The following CECR2 variants were observed in gnomAD, a reference collection of about 807,000 sequenced individuals.
The protein encoded by CECR2 is CECR2 histone acetyl-lysine reader, also known as chromatin remodeling regulator CECR2.
A neutral mutation model predicts 154.5 loss-of-function variants in CECR2; 30 were observed. The observed-to-expected ratio is 0.19, with a 90% CI of 0.15 to 0.26. CECR2 has a LOEUF of 0.26. CECR2 is among the 10% of genes least tolerant of loss of function. CECR2 has a pLI of 1.00. For missense variants in CECR2, 1,743 were observed against 1,829.3 expected (o/e 0.95, Z 0.86); for synonymous variants, 725 against 683.7 (o/e 1.06, Z -0.94).
chr22:17,405,110 A>T (rs1488806299), intron 1 of CECR2, among the ~76,000 whole-genome samples: 1 of 152,154 alleles, frequency 6.6e-6, no homozygotes, highest in Non-Finnish European at 1.5e-5. Context: ...ATGCTATTAT[A>T]CATTTTTGAA....
At chr22:17,444,408 G>T (rs2054628475) in intron 1 of CECR2, among the ~76,000 whole-genome samples, 1 of 152,104 alleles carries the variant, frequency 6.6e-6, no homozygotes, top group African/African-American at 2.4e-5. Context: ...GGGCAGATCA[G>T]TTAAGGTCAG....
At chr22:17,516,849 C>T (rs559656711) in intron 8 of CECR2, among the ~76,000 whole-genome samples, 1 of 151,944 alleles carries the variant, frequency 6.6e-6, no homozygotes, top group Non-Finnish European at 1.5e-5. Flanking sequence ...CCGCCTCGTC[C>T]TCCCAAAGTG....
intron 1 of CECR2, chr22:17,419,059 A>G: frequency 6.3e-6 from 1 of 159,452 alleles, no homozygotes; most frequent in Non-Finnish European, 1.4e-5. Context: ...GACGCGGATG[A>G]CGTGGCTGTC....
At chr22:17,363,230 G>C (rs74653249) in intron 1 of CECR2, among the ~76,000 whole-genome samples, 1 of 144,702 alleles carries the variant, frequency 6.9e-6, no homozygotes, top group Non-Finnish European at 1.5e-5. Context: ...TTTTTTTTTT[G>C]AGTTGGGGTC....
intron 1 of CECR2, among the ~76,000 whole-genome samples, chr22:17,379,973 A>G (rs2063167543): frequency 6.6e-6 from 1 of 151,840 alleles, no homozygotes; most frequent in Admixed American, 6.6e-5. Flanking sequence ...CTTCTTTTCC[A>G]TCTTGGGGTA....
intron 8 of CECR2, among the ~76,000 whole-genome samples, chr22:17,515,815 A>G (rs930287531): frequency 6.6e-6 from 1 of 152,078 alleles, no homozygotes; most frequent in African/African-American, 2.4e-5. Flanking sequence ...AGCTGGGACT[A>G]CAGGCGCCCG....
intron 2 of CECR2, among the ~76,000 whole-genome samples, chr22:17,490,575 C>G (rs2055509854): frequency 6.6e-6 from 1 of 152,082 alleles, no homozygotes; most frequent in South Asian, 2.1e-4. Context: ...GCTGGGATTA[C>G]AGGTGCATGC....
chr22:17,513,376 T>C (rs934380754), intron 8 of CECR2, among the ~76,000 whole-genome samples: 2 of 152,212 alleles, frequency 1.3e-5, no homozygotes, highest in African/African-American at 2.4e-5. Context: ...TTACGGAGCC[T>C]TCCTTTTGCC....
chr22:17,368,320 CAATA>C (rs1410272423), upstream of CECR2, among the ~76,000 whole-genome samples: 2 of 152,078 alleles, frequency 1.3e-5, no homozygotes, highest in Non-Finnish European at 2.9e-5. Context: ...GCCTGTCACT[CAATA>C]AATAGTTGAT....
intron 8 of CECR2, among the ~76,000 whole-genome samples, chr22:17,520,006 G>C (rs2056129130): frequency 6.6e-6 from 1 of 151,848 alleles, no homozygotes; most frequent in Admixed American, 6.6e-5. Context: ...TACCAGGATG[G>C]TCTCAATCTC....
In CECR2 at chr22:17,552,046, G is replaced by A. The variant is rs200686768; in HGVS notation, c.4293G>A (p.Pro1431=). The change falls in exon 18 of 19, where the codon CCG becomes CCA. Residue 1431 remains proline, a synonymous_variant. Coordinates refer to ENST00000262608, the MANE Select transcript of CECR2 (RefSeq NM_001290047.2). ...MYRPSGMQMH[P]VQSQASFPKT... ...GTGGCTGTAGAATGCAGATGCACCCGGTCCAGTCGCAGGCCTCGTTCCCAA... is the reference window on the plus strand; with the variant it reads ...GTGGCTGTAGAATGCAGATGCACCCAGTCCAGTCGCAGGCCTCGTTCCCAA... 3.6e-4 allele frequency: 585 copies of A among 1,613,916 alleles called. No individual in the cohort carries two copies. The African/African-American group carries it at 6.5e-3, about 18-fold the overall frequency.
At chr22:17,469,724 AT>A (rs2055093551) in intron 1 of CECR2, among the ~76,000 whole-genome samples, 1 of 151,044 alleles carries the variant, frequency 6.6e-6, no homozygotes, top group Non-Finnish European at 1.5e-5. Flanking sequence ...GGAAATCTTC[AT>A]TCACACGTTC....
chr22:17,414,850 G>C (rs184533252), intron 1 of CECR2, among the ~76,000 whole-genome samples: 44 of 152,304 alleles, frequency 2.9e-4, no homozygotes, highest in Middle Eastern at 6.8e-3. Flanking sequence ...CCCAGAGCCT[G>C]TGTGTGATTT....
intron 1 of CECR2, chr22:17,428,332 T>G (rs956463905): frequency 2.0e-5 from 3 of 152,222 alleles, no homozygotes; most frequent in Non-Finnish European, 4.4e-5. Flanking sequence ...AGACATTGAT[T>G]GTTACTGCCT....
chr22:17,392,753 A>G (rs1324960808), intron 1 of CECR2, among the ~76,000 whole-genome samples: 2 of 152,052 alleles, frequency 1.3e-5, no homozygotes, highest in Admixed American at 6.6e-5. Context: ...AAAGTGTTCA[A>G]CAAGTAGGCC....
At chr22:17,396,522 G>A (rs2053814270) in intron 1 of CECR2, among the ~76,000 whole-genome samples, 3 of 152,308 alleles carry the variant, frequency 2.0e-5, no homozygotes, top group Middle Eastern at 3.4e-3. Context: ...ACTCCAGCCT[G>A]GCGACAGAGC....
intron 1 of CECR2, among the ~76,000 whole-genome samples, chr22:17,453,806 C>A (rs931961523): frequency 6.6e-6 from 1 of 152,194 alleles, no homozygotes; most frequent in Non-Finnish European, 1.5e-5. Context: ...GTCTGGGCTT[C>A]ATGGCAGAAC....
At chr22:17,458,414 C>CA (rs1421816705) in intron 1 of CECR2, among the ~76,000 whole-genome samples, 2,330 of 97,338 alleles carry the variant, frequency 0.024, 50 homozygotes, top group African/African-American at 0.07. Flanking sequence ...TCTCTGTCTC[C>CA]AAAAAAAAAA....
At position 17,542,344 on chromosome 22, in the gene CECR2, T is replaced by C. The variant is rs1035802887; in HGVS notation, c.2201T>C (p.Ile734Thr). The C allele has an allele frequency of 3.1e-6, 5 of 1,613,708 alleles. No homozygotes were observed. Among genetic ancestry groups the C allele is most frequent in the Non-Finnish European group, 4.2e-6 (5 of 1,179,740 alleles). ...YAPAQFQPGF[I>T]PPRHGGAPAR... ...CCAGCTCAGTTCCAGCCAGGATTCA[T>C]TCCTCCCCGGCATGGGGGGGCTCCA... Residue 734 changes from isoleucine (I) to threonine (T), a missense_variant, in exon 16 of 19, where the codon ATT (isoleucine) becomes ACT (threonine). Ile to Thr is a moderately conservative substitution (Grantham distance 89). Transcript: ENST00000262608.
Sources: gnomAD v4.1 joint callset for allele counts (sites outside exome capture counted in the v4.1 genomes callset) on GRCh38, gnomAD v4.1.1 for gene constraint, MANE v1.5 for transcripts, NCBI Gene and HGNC (gene_info 2026-07-23, HGNC 2026-07-21) for gene names.